CDK14: variants seen among roughly 807,000 people sequenced by gnomAD.
CDK14 encodes cyclin dependent kinase 14.
Under a neutral mutation model 60.7 loss-of-function variants are expected in CDK14, and 34 were observed. The observed-to-expected ratio is 0.56, with a 90% CI of 0.43 to 0.75. CDK14 has a LOEUF of 0.75. Ranked by LOEUF, CDK14 falls within the 30% of genes least tolerant of loss-of-function variation. CDK14 has a pLI of 0.00. For missense variants in CDK14, 482 were observed against 564.1 expected (o/e 0.85, Z 1.47); for synonymous variants, 197 against 203.7 (o/e 0.97, Z 0.28).
At chr7:90,893,906 A>ATT (rs2117328564) in intron 6 of CDK14, among the ~76,000 whole-genome samples, 1 of 152,258 alleles carries the variant, frequency 6.6e-6, no homozygotes, top group East Asian at 1.9e-4. Flanking sequence ...AGTTTCAGTG[A>ATT]TTATATATAG....
intron 3 of CDK14, among the ~76,000 whole-genome samples, chr7:90,736,828 A>G (rs1459979931): frequency 2.0e-5 from 3 of 152,112 alleles, no homozygotes; most frequent in African/African-American, 7.2e-5. Context: ...ATACATCTAT[A>G]TGCTCTTCAC....
At chr7:90,809,419 C>T (rs957851927) in intron 5 of CDK14, among the ~76,000 whole-genome samples, 10 of 152,014 alleles carry the variant, frequency 6.6e-5, no homozygotes, top group African/African-American at 1.9e-4. Context: ...TTCTTTGAAA[C>T]CAACGAGAAC....
At chr7:90,612,102 G>A (rs1584740725) in intron 2 of CDK14, among the ~76,000 whole-genome samples, 1 of 152,050 alleles carries the variant, frequency 6.6e-6, no homozygotes, top group African/African-American at 2.4e-5. Context: ...CAAAGTGCTG[G>A]GATTACAGGG....
chr7:90,843,451 C>T (rs545397038), intron 5 of CDK14, among the ~76,000 whole-genome samples: 1 of 152,150 alleles, frequency 6.6e-6, no homozygotes, highest in Non-Finnish European at 1.5e-5. Context: ...GTGTCCATCT[C>T]AGTAGGTTAA....
At chr7:90,648,047 A>G (rs542204491) in intron 2 of CDK14, among the ~76,000 whole-genome samples, 2 of 152,118 alleles carry the variant, frequency 1.3e-5, no homozygotes, top group Non-Finnish European at 2.9e-5. Context: ...AATTACTCCT[A>G]AACTTCATGC....
chr7:90,664,583 T>G (rs1486652460), intron 2 of CDK14, among the ~76,000 whole-genome samples: 1 of 152,078 alleles, frequency 6.6e-6, no homozygotes, highest in African/African-American at 2.4e-5. Context: ...ATATGGCACA[T>G]ATACACCATG....
intron 12 of CDK14, among the ~76,000 whole-genome samples, chr7:91,098,168 T>C (rs1799051128): frequency 6.6e-6 from 1 of 152,230 alleles, no homozygotes; most frequent in Non-Finnish European, 1.5e-5. Flanking sequence ...ATTTTCAAAT[T>C]CCAGATGCAA....
intron 10 of CDK14, among the ~76,000 whole-genome samples, chr7:91,042,576 T>C (rs1267761073): frequency 6.6e-6 from 1 of 152,020 alleles, no homozygotes; most frequent in East Asian, 1.9e-4. Context: ...AAACAGGAGA[T>C]GGACAAGCCA....
At chr7:90,748,102 A>G (rs76560189) in intron 4 of CDK14, among the ~76,000 whole-genome samples, 6 of 152,144 alleles carry the variant, frequency 3.9e-5, no homozygotes, top group African/African-American at 9.7e-5. Flanking sequence ...ATAGAGATTT[A>G]GTGTTGGGAA....
At chr7:91,179,529 G>A (rs142514903) in intron 14 of CDK14, among the ~76,000 whole-genome samples, 2,475 of 151,332 alleles carry the variant, frequency 0.016, 89 homozygotes, top group African/African-American at 0.055. Flanking sequence ...GCAGCCCGGC[G>A]CAGTGACTCA....
chr7:90,820,047 A>C (rs10245696), intron 5 of CDK14, among the ~76,000 whole-genome samples: 96,984 of 151,876 alleles, frequency 0.64, 31,404 homozygotes, highest in East Asian at 0.96. Flanking sequence ...TGCGCCCCCA[A>C]CCCCACTTTT....
intron 10 of CDK14, among the ~76,000 whole-genome samples, chr7:91,016,675 C>T (rs1216354075): frequency 6.6e-6 from 1 of 152,188 alleles, no homozygotes; most frequent in Non-Finnish European, 1.5e-5. Context: ...ACATATTTAT[C>T]TCTGACCTTG....
intron 1 of CDK14, among the ~76,000 whole-genome samples, chr7:90,603,424 A>G (rs1799355978): frequency 6.6e-6 from 1 of 152,166 alleles, no homozygotes; most frequent in South Asian, 2.1e-4. Flanking sequence ...TGCCTATAGT[A>G]TTTGGTACAG....
At chr7:91,016,211 G>T (rs925741114) in intron 10 of CDK14, among the ~76,000 whole-genome samples, 3 of 152,102 alleles carry the variant, frequency 2.0e-5, no homozygotes, top group Non-Finnish European at 4.4e-5. Flanking sequence ...TATGAATTTT[G>T]ATTTGAGAAT....
At chr7:90,838,182 T>C in intron 5 of CDK14, among the ~76,000 whole-genome samples, 1 of 152,200 alleles carries the variant, frequency 6.6e-6, no homozygotes, top group East Asian at 1.9e-4. Context: ...TAATTTCTTA[T>C]GCCTGTTTTA....
At chr7:91,015,110 T>C (rs953364496) in intron 10 of CDK14, among the ~76,000 whole-genome samples, 1 of 152,232 alleles carries the variant, frequency 6.6e-6, no homozygotes, top group Non-Finnish European at 1.5e-5. Flanking sequence ...GTGTTTTTGC[T>C]AATTTTTTTT....
chr7:90,614,351 T>C (rs532255117), intron 2 of CDK14, among the ~76,000 whole-genome samples: 52 of 152,318 alleles, frequency 3.4e-4, no homozygotes, highest in Admixed American at 3.3e-3. Context: ...ATAAAACTTA[T>C]AAAAGGCATA....
chr7:91,024,111 A>G (rs1796505103), intron 10 of CDK14, among the ~76,000 whole-genome samples: 1 of 149,270 alleles, frequency 6.7e-6, no homozygotes, highest in Non-Finnish European at 1.5e-5. Flanking sequence ...ACCCATCCAA[A>G]ATGATGATGA....
intron 10 of CDK14, among the ~76,000 whole-genome samples, chr7:91,019,162 G>A (rs1460091792): frequency 1.3e-5 from 2 of 152,144 alleles, no homozygotes; most frequent in Non-Finnish European, 2.9e-5. Flanking sequence ...TAAATAAGAA[G>A]AATTTGCTGT....
Sources: allele counts gnomAD v4.1 joint callset (sites outside exome capture counted in the v4.1 genomes callset), GRCh38; gene constraint gnomAD v4.1.1; transcripts MANE v1.5; gene names NCBI Gene and HGNC (gene_info 2026-07-23, HGNC 2026-07-21).